The following KIF26B variants were observed in gnomAD, a reference collection of about 807,000 sequenced individuals.
KIF26B encodes kinesin family member 26B, also known as kinesin-like protein KIF26B.
Under a neutral mutation model 151.2 loss-of-function variants are expected in KIF26B, and 63 were observed. That is an observed-to-expected ratio of 0.42 (90% confidence interval 0.34 to 0.51). The LOEUF (loss-of-function observed/expected upper bound fraction) is 0.51. Ranked by LOEUF, KIF26B falls within the 20% of genes least tolerant of loss-of-function variation. The pLI, the probability that KIF26B is intolerant of heterozygous loss-of-function variation, is 0.07. For synonymous variants in KIF26B, 1,357 were observed against 1,262.1 expected (o/e 1.08, Z -1.59); for missense variants, 2,813 against 2,913.6 (o/e 0.97, Z 0.79).
chr1:245,452,577 C>T (rs1659422358), intron 4 of KIF26B, among the ~76,000 whole-genome samples: 2 of 152,076 alleles, frequency 1.3e-5, no homozygotes, highest in African/African-American at 4.8e-5. Context: ...GTTCCAGTTT[C>T]TTCACATTCT....
chr1:245,169,328 G>GGTGTGTGGGTGGGT (rs56332945), intron 2 of KIF26B, among the ~76,000 whole-genome samples: 107 of 134,174 alleles, frequency 8.0e-4, no homozygotes, highest in African/African-American at 2.6e-3. Flanking sequence ...AACGGGCCAT[G>GGTGTGTGGGTGGGT]GTGTGTGTGT....
intron 9 of KIF26B, among the ~76,000 whole-genome samples, chr1:245,615,359 T>C (rs181259950): frequency 1.7e-3 from 254 of 152,320 alleles, no homozygotes; most frequent in African/African-American, 5.8e-3. Flanking sequence ...GTTTTCGGTT[T>C]TGTACTTTTT....
In KIF26B at chr1:245,572,572, T is replaced by C. The variant is rs943047956; in HGVS notation, c.1351-30005T>C. Among the ~76,000 whole-genome samples, 5 of 152,108 alleles carry C rather than the reference T, an allele frequency of 3.3e-5. No homozygotes were observed. Among genetic ancestry groups the C allele is most frequent in the African/African-American group, 1.2e-4 (5 of 41,410 alleles). ...AATTCCTACTCGCTGCAGTGGGAAATTTTATGTTATGTGAATTTTATCTCA... is the reference window on the plus strand; with the variant it reads ...AATTCCTACTCGCTGCAGTGGGAAACTTTATGTTATGTGAATTTTATCTCA... On this transcript the variant is annotated intron_variant, in intron 5 of 14. Coordinates refer to ENST00000407071, the MANE Select transcript of KIF26B (RefSeq NM_018012.4). This position sits in a 1 kb window ranked among gnomAD's most constrained non-coding sequence, Gnocchi z 4.2.
intron 4 of KIF26B, among the ~76,000 whole-genome samples, chr1:245,424,678 C>T (rs1356824769): frequency 2.0e-5 from 3 of 152,088 alleles, no homozygotes; most frequent in Non-Finnish European, 2.9e-5. Context: ...GGAGAGGAAG[C>T]GTTTAGAAAC....
chr1:245,171,265 C>T (rs1349807608), intron 2 of KIF26B, among the ~76,000 whole-genome samples: 1 of 152,194 alleles, frequency 6.6e-6, no homozygotes, highest in Non-Finnish European at 1.5e-5. Context: ...TTACATGGGG[C>T]CCGCACGGTG....
chr1:245,227,091 C>T lies in KIF26B; in HGVS notation c.465+70408C>T, dbSNP rs1047356949. ...CCCCTAGCACGGGCCAGTCCTATGT[C>T]GTTTTTTGGCATTTTTGAGGAACAG... On this transcript the variant is annotated intron_variant, in intron 2 of 14. Coordinates refer to ENST00000407071, the MANE Select transcript of KIF26B (RefSeq NM_018012.4). The surrounding 1 kb of genome is among the most constrained non-coding windows in gnomAD (Gnocchi z 4.1). Among the ~76,000 whole-genome samples the T allele has an allele frequency of 6.6e-6, 1 of 152,118 alleles. No individual in the cohort carries two copies. Among genetic ancestry groups the T allele is most frequent in the Admixed American group, 6.5e-5 (1 of 15,280 alleles).
At chr1:245,681,456 A>C (rs535070833) in intron 10 of KIF26B, among the ~76,000 whole-genome samples, 1 of 151,812 alleles carries the variant, frequency 6.6e-6, no homozygotes, top group African/African-American at 2.4e-5. Context: ...TGATCCACCC[A>C]CCTCGGCCTC....
intron 2 of KIF26B, among the ~76,000 whole-genome samples, chr1:245,186,842 T>C (rs1220732454): frequency 6.8e-6 from 1 of 146,640 alleles, no homozygotes; most frequent in African/African-American, 2.5e-5. Context: ...GCCAAATACT[T>C]TTTTTTTTCT....
In KIF26B at chr1:245,698,291, C is replaced by A. The variant is rs1558279816; in HGVS notation, c.6010C>A (p.Arg2004=). The change falls in exon 13 of 15, where the codon CGA becomes AGA. Residue 2004 remains arginine (R), a synonymous_variant. Transcript: ENST00000407071. This position sits in a 1 kb window ranked among gnomAD's most constrained non-coding sequence, Gnocchi z 4.0. ...IDDVERLQRR[R]GGASKEAMCF... ...TGACGTGGAGCGCCTGCAGCGGCGA[C>A]GAGGGGGTGCCAGCAAGGTGAGGCA... is the stretch of plus-strand genomic sequence containing the variant. 9 of 1,613,308 alleles carry A rather than the reference C, an allele frequency of 5.6e-6. No individual in the cohort carries two copies. Among genetic ancestry groups the A allele is most frequent in the Admixed American group, 1.7e-5 (1 of 60,012 alleles).
intron 4 of KIF26B, among the ~76,000 whole-genome samples, chr1:245,476,927 A>G (rs983022622): frequency 3.3e-5 from 5 of 151,764 alleles, no homozygotes; most frequent in Middle Eastern, 3.2e-3. Flanking sequence ...ATATGTGTTG[A>G]TGTGTCTGAG....
intron 2 of KIF26B, among the ~76,000 whole-genome samples, chr1:245,346,099 AT>A (rs61212124): frequency 1.3e-5 from 2 of 150,046 alleles, no homozygotes; most frequent in African/African-American, 4.9e-5. Context: ...CACCTGGCTA[AT>A]TTTTTTTTGT....
At chr1:245,549,762 A>G (rs983882545) in intron 5 of KIF26B, among the ~76,000 whole-genome samples, 3 of 151,138 alleles carry the variant, frequency 2.0e-5, no homozygotes, top group African/African-American at 7.3e-5. Flanking sequence ...ATTATTATGG[A>G]GGGGGAGAAT....
At chr1:245,214,382 AT>A (rs1328063930) in intron 2 of KIF26B, among the ~76,000 whole-genome samples, 1 of 152,102 alleles carries the variant, frequency 6.6e-6, no homozygotes, top group Non-Finnish European at 1.5e-5. Flanking sequence ...CTCTAAAAAC[AT>A]TTTTTTAATA....
rs2044840812 is a variant in KIF26B, at chr1:245,706,348, C to T, written c.*3742C>T. The stretch of plus-strand genomic sequence containing the variant: ...ATCTCATGTCCTTGTAAACCAGCCA[C>T]CTTCTTTGGATAGAAGGCAAGGCTG... On this transcript the variant is annotated 3_prime_UTR_variant, in exon 15 of 15. Coordinates refer to ENST00000407071, the MANE Select transcript of KIF26B (RefSeq NM_018012.4). The T allele has an allele frequency of 6.6e-6, 1 of 152,156 alleles. No individual in the cohort carries two copies. Among genetic ancestry groups the T allele is most frequent in the South Asian group, 2.1e-4 (1 of 4,824 alleles). The allele number at this position is 152,156 out of a possible 1,614,324, so 9.4% of individuals were successfully genotyped here. A position where few individuals can be genotyped will look rare whatever the true frequency, so the allele number is the denominator to read the frequency against.
At chr1:245,188,650 T>C (rs368657070) in intron 2 of KIF26B, among the ~76,000 whole-genome samples, 48 of 152,338 alleles carry the variant, frequency 3.2e-4, no homozygotes, top group African/African-American at 1.0e-3. Flanking sequence ...TGGAAAATGA[T>C]ACGACAGTTT....
At chr1:245,192,811 G>A (rs1669131460) in intron 2 of KIF26B, among the ~76,000 whole-genome samples, 1 of 152,210 alleles carries the variant, frequency 6.6e-6, no homozygotes, top group African/African-American at 2.4e-5. Flanking sequence ...GTGTGCAGGT[G>A]CACGTGTCCC....
chr1:245,588,837 C>A (rs569494016), intron 5 of KIF26B, among the ~76,000 whole-genome samples: 1 of 152,094 alleles, frequency 6.6e-6, no homozygotes, highest in East Asian at 1.9e-4. Context: ...GAAAGGGGGC[C>A]TTTTGGAAGA....
At chr1:245,168,537 G>C (rs1166011240) in intron 2 of KIF26B, among the ~76,000 whole-genome samples, 3 of 152,126 alleles carry the variant, frequency 2.0e-5, no homozygotes, top group African/African-American at 7.2e-5. Flanking sequence ...AGGATGTTTT[G>C]TAGTTAATTT....
chr1:245,603,452 A>C (rs12028539), intron 6 of KIF26B, among the ~76,000 whole-genome samples: 51,543 of 152,088 alleles, frequency 0.34, 9,279 homozygotes, highest in East Asian at 0.44. Flanking sequence ...GTCCTAGCTC[A>C]GCTCATTTTT....
Sources: allele counts gnomAD v4.1 joint callset (sites outside exome capture counted in the v4.1 genomes callset), GRCh38; gene constraint gnomAD v4.1.1; non-coding constraint Gnocchi (gnomAD v3.1); transcripts MANE v1.5; gene names NCBI Gene and HGNC (gene_info 2026-07-23, HGNC 2026-07-21).